CCDC141: variants seen among roughly 807,000 people sequenced by gnomAD.
CCDC141 encodes coiled-coil domain containing 141.
A neutral mutation model predicts 181.0 loss-of-function variants in CCDC141; 168 were observed. That is an observed-to-expected ratio of 0.93 (90% CI 0.82 to 1.05). The LOEUF is 1.05. Among genes scored for constraint, CCDC141 ranks in the 50% least tolerant of loss-of-function variants. CCDC141 has a pLI of 0.00. For missense variants in CCDC141, 1,902 were observed against 1,788.5 expected (o/e 1.06, Z -1.14); for synonymous variants, 666 against 642.3 (o/e 1.04, Z -0.56).
At position 178,872,309 on chromosome 2, in the gene CCDC141, T is replaced by G; in HGVS notation, c.1903A>C (p.Lys635Gln). The change falls in exon 13 of 24, where the codon AAA becomes CAA. Residue 635 changes from lysine to glutamine, a missense_variant. Transcript: ENST00000443758. ...TTCACATCTAATATCTCGTTCTCTTTTGCCTGTTAAATTAATAATTCATAT... is the reference window on the plus strand; with the variant it reads ...TTCACATCTAATATCTCGTTCTCTTGTGCCTGTTAAATTAATAATTCATAT... ...LEFLNLINMA[K>Q]ENEILDVKNE... The G allele has an allele frequency of 6.2e-7, 1 of 1,606,304 alleles. No individual in the cohort carries two copies. Among genetic ancestry groups the G allele is most frequent in the Non-Finnish European group, 8.5e-7 (1 of 1,177,286 alleles).
At chr2:178,994,234 C>G (rs772571398) in intron 2 of CCDC141, among the ~76,000 whole-genome samples, 1 of 152,212 alleles carries the variant, frequency 6.6e-6, no homozygotes, top group Non-Finnish European at 1.5e-5. Context: ...GGGCCCTGCC[C>G]CTGCGGCAAA....
At chr2:178,850,442 T>C (rs867598904) in intron 20 of CCDC141, among the ~76,000 whole-genome samples, 34 of 152,334 alleles carry the variant, frequency 2.2e-4, no homozygotes, top group Middle Eastern at 3.4e-3. Context: ...GTTTTTCCTG[T>C]TCAAAACATT....
chr2:178,963,944 A>T (rs1432177726), intron 4 of CCDC141, among the ~76,000 whole-genome samples: 2 of 152,230 alleles, frequency 1.3e-5, no homozygotes, highest in Non-Finnish European at 2.9e-5. Flanking sequence ...AAGAAAAGTC[A>T]GGGAGAACAT....
intron 7 of CCDC141, among the ~76,000 whole-genome samples, chr2:178,913,401 T>G (rs967614095): frequency 6.6e-6 from 1 of 152,216 alleles, no homozygotes; most frequent in African/African-American, 2.4e-5. Flanking sequence ...GGTACTCTAC[T>G]TGGGCAGGTT....
At chr2:179,020,128 G>C (rs1313127707) in intron 2 of CCDC141, among the ~76,000 whole-genome samples, 1 of 152,234 alleles carries the variant, frequency 6.6e-6, no homozygotes, top group East Asian at 1.9e-4. Flanking sequence ...TGTTATAACC[G>C]TCATGTAGAA....
At chr2:178,864,906 A>G (rs1685778579) in intron 17 of CCDC141, among the ~76,000 whole-genome samples, 1 of 152,150 alleles carries the variant, frequency 6.6e-6, no homozygotes, top group Non-Finnish European at 1.5e-5. Flanking sequence ...GCTCAGAAAC[A>G]TTTTGCTCTA....
intron 9 of CCDC141, 25 bp downstream of exon 9, chr2:178,888,502 T>C: frequency 1.3e-6 from 2 of 1,546,968 alleles, no homozygotes; most frequent in Non-Finnish European, 1.7e-6. Context: ...AACTTAGATA[T>C]TTAAGTTTTA....
At chr2:179,012,800 G>C (rs986347666) in intron 2 of CCDC141, among the ~76,000 whole-genome samples, 3 of 152,090 alleles carry the variant, frequency 2.0e-5, no homozygotes, top group African/African-American at 7.2e-5. Flanking sequence ...GGGATGCAGG[G>C]ATAGCTTAAC....
At chr2:178,953,177 C>T (rs12994377) in intron 5 of CCDC141, among the ~76,000 whole-genome samples, 37,149 of 152,120 alleles carry the variant, frequency 0.24, 4,572 homozygotes, top group Middle Eastern at 0.29. Context: ...TGGCTCACGC[C>T]TATAATCCCA....
chr2:178,975,479 A>G (rs1289114525), intron 3 of CCDC141, among the ~76,000 whole-genome samples: 1 of 152,158 alleles, frequency 6.6e-6, no homozygotes, highest in Non-Finnish European at 1.5e-5. Context: ...AACCAAAATT[A>G]TAGTGTCCTA....
In CCDC141 at chr2:178,905,311, G is replaced by A; in HGVS notation, c.1265+18C>T. On this transcript the variant is annotated intron_variant, in intron 8 of 23. Transcript: ENST00000443758. ...TGAAAAAGCTTGTTACACTGAGAAA[G>A]AAATCAACTTTACTCACCTGCAGGA... 1 of 1,530,592 alleles carries A rather than the reference G, an allele frequency of 6.5e-7. No individual in the cohort carries two copies. The highest frequency in any genetic ancestry group is 1.2e-5 in the South Asian group (1 of 80,356). 94.8% of individuals were successfully genotyped at this position (1,530,592 alleles called of 1,614,324 possible).
intron 7 of CCDC141, among the ~76,000 whole-genome samples, chr2:178,915,277 A>T (rs1299681049): frequency 6.6e-6 from 1 of 152,230 alleles, no homozygotes; most frequent in African/African-American, 2.4e-5. Flanking sequence ...GAAAAAAGGA[A>T]TATATATGAT....
rs1561617347 is a variant in CCDC141, at chr2:178,834,457, G to A, written c.4326-17C>T. Reference sequence around the variant, plus strand: ...TTCTTGTACCTGAAGCAGAGAGGCAGTTTTTAAAGTCAGGATTGCTGTTTA... The same window carrying A: ...TTCTTGTACCTGAAGCAGAGAGGCAATTTTTAAAGTCAGGATTGCTGTTTA... On this transcript the variant is annotated splice_polypyrimidine_tract_variant and intron_variant, in intron 23 of 23. Transcript: ENST00000443758. 10 of 1,533,674 alleles carry A rather than the reference G, an allele frequency of 6.5e-6. No homozygotes were observed. Among genetic ancestry groups the A allele is most frequent in the South Asian group, 1.2e-5 (1 of 83,986 alleles).
rs1416809713 is a variant in CCDC141 at position 178,845,673 on chromosome 2, C to G, written c.3427G>C (p.Glu1143Gln). 1 of 1,612,050 alleles carries G rather than the reference C, an allele frequency of 6.2e-7. No homozygotes were observed. Among genetic ancestry groups the G allele is most frequent in the African/African-American group, 1.3e-5 (1 of 74,966 alleles). The change falls in exon 22 of 24, where the codon GAA becomes CAA. Residue 1143 changes from glutamate to glutamine, a missense_variant. Transcript: ENST00000443758. ...ATTGTCTGCTTATTTTTTGCTGGTTCCTTTAGCAAGTCAATGTAATCATAA... is the reference window on the plus strand; with the variant it reads ...ATTGTCTGCTTATTTTTTGCTGGTTGCTTTAGCAAGTCAATGTAATCATAA... Reference protein sequence around the residue: ...FHYDYIDLLKEPAKNKQTIFN... With the variant: ...FHYDYIDLLKQPAKNKQTIFN...
intron 2 of CCDC141, among the ~76,000 whole-genome samples, chr2:178,989,600 A>T (rs1691933259): frequency 7.5e-6 from 1 of 132,600 alleles, no homozygotes; most frequent in Non-Finnish European, 1.6e-5. Flanking sequence ...CCTCAAAAAA[A>T]AAAAAAAATA....
chr2:179,028,526 C>A (rs1019950350), intron 2 of CCDC141, among the ~76,000 whole-genome samples: 1 of 152,196 alleles, frequency 6.6e-6, no homozygotes, highest in Non-Finnish European at 1.5e-5. Flanking sequence ...ATGTCAGTGA[C>A]CTCCAATCTG....
At chr2:178,872,335 A>T in intron 12 of CCDC141, 23 bp from the exon 13 acceptor site, 1 of 1,580,542 alleles carries the variant, frequency 6.3e-7, no homozygotes, top group Non-Finnish European at 8.6e-7. Context: ...TAATTCATAT[A>T]ATAGCTTTTC....
chr2:179,001,630 G>C (rs570995809), intron 2 of CCDC141: 8 of 152,314 alleles, frequency 5.3e-5, no homozygotes, highest in South Asian at 4.2e-4. Flanking sequence ...GAGAACCTTG[G>C]GGGGCACAGG....
intron 2 of CCDC141, among the ~76,000 whole-genome samples, chr2:178,983,227 T>A (rs1691526664): frequency 6.6e-6 from 1 of 151,994 alleles, no homozygotes. Context: ...CACTGCAGGG[T>A]ACTCCAACAG....
Sources: gnomAD v4.1 joint callset for allele counts (sites outside exome capture counted in the v4.1 genomes callset) on GRCh38, gnomAD v4.1.1 for gene constraint, MANE v1.5 for transcripts, NCBI Gene and HGNC (gene_info 2026-07-23, HGNC 2026-07-21) for gene names.